Variants in POLE2 observed in about 807,000 individuals in gnomAD.
POLE2 encodes DNA polymerase epsilon 2, accessory subunit.
Under a neutral mutation model 79.4 loss-of-function variants are expected in POLE2, and 56 were observed. The observed-to-expected ratio is 0.71, with a 90% confidence interval of 0.57 to 0.88. POLE2 has a LOEUF of 0.88. POLE2 is among the 40% of genes least tolerant of loss of function. The probability of loss-of-function intolerance (pLI) is 0.00; values close to 1 mark genes in which losing one functional copy is unlikely to be tolerated. For synonymous variants in POLE2, 212 were observed against 214.0 expected (o/e 0.99, Z 0.08); for missense variants, 598 against 638.9 (o/e 0.94, Z 0.69).
intron 5 of POLE2, among the ~76,000 whole-genome samples, chr14:49,673,036 C>T (rs1886009720): frequency 1.3e-5 from 2 of 152,100 alleles, no homozygotes; most frequent in African/African-American, 4.8e-5. Context: ...TTTCTATATT[C>T]TACTCTCTCA....
chr14:49,643,931 G>A (rs1312330967), intron 18 of POLE2, among the ~76,000 whole-genome samples: 2 of 135,560 alleles, frequency 1.5e-5, no homozygotes, highest in Non-Finnish European at 3.1e-5. Flanking sequence ...CCAGGCTGGA[G>A]TGCAATGGCG....
chr14:49,672,592 C>G (rs1410293739), intron 5 of POLE2, among the ~76,000 whole-genome samples: 3 of 151,880 alleles, frequency 2.0e-5, no homozygotes, highest in South Asian at 2.1e-4. Flanking sequence ...CTCCGCCTCC[C>G]AGGTTCAAGC....
intron 1 of POLE2, among the ~76,000 whole-genome samples, chr14:49,685,573 CCTCCCA>C: frequency 6.6e-6 from 1 of 152,156 alleles, no homozygotes; most frequent in South Asian, 2.1e-4. Context: ...ATGGCCATTT[CCTCCCA>C]CTCTTCTCTC....
intron 1 of POLE2, among the ~76,000 whole-genome samples, chr14:49,685,553 G>C (rs1416590590): frequency 6.6e-6 from 1 of 152,020 alleles, no homozygotes; most frequent in Non-Finnish European, 1.5e-5. Context: ...TCCTGCTTTA[G>C]GGTCTTTATA....
At chr14:49,688,037 C>T in intron 1 of POLE2, 99 bp downstream of exon 1, 1 of 1,009,536 alleles carries the variant, frequency 9.9e-7, no homozygotes, top group Admixed American at 2.2e-5. Context: ...AGCCCCCTCT[C>T]GGCGCGCGGG....
chr14:49,663,566 T>C (rs2139646583), intron 9 of POLE2, among the ~76,000 whole-genome samples, 179 bp from the exon 10 acceptor site: 1 of 152,356 alleles, frequency 6.6e-6, no homozygotes, highest in East Asian at 1.9e-4. Context: ...TCTCAACTTA[T>C]AAAATTCATT....
chr14:49,684,468 A>G (rs2139698168), intron 1 of POLE2: 1 of 152,092 alleles, frequency 6.6e-6, no homozygotes, highest in East Asian at 1.9e-4. Flanking sequence ...CCGTCTCAAA[A>G]AAAAAAAAGG....
At chr14:49,656,353 TCA>T (rs1884677102) in intron 10 of POLE2, among the ~76,000 whole-genome samples, 1 of 116,556 alleles carries the variant, frequency 8.6e-6, no homozygotes, top group African/African-American at 3.3e-5. Context: ...GACTCTTGTC[TCA>T]AAAAAAAAAA....
chr14:49,647,457 A>T (rs1209438547), intron 17 of POLE2, 97 bp from the exon 18 acceptor site: 1 of 408,198 alleles, frequency 2.4e-6, no homozygotes, highest in South Asian at 9.1e-5. Context: ...TTTTTATTTT[A>T]TTTATTTATT....
At chr14:49,662,580 C>A (rs1885170932) in intron 10 of POLE2, among the ~76,000 whole-genome samples, 1 of 152,224 alleles carries the variant, frequency 6.6e-6, no homozygotes, top group Admixed American at 6.5e-5. Context: ...CACATACATG[C>A]CCTGCCCAAA....
Position 49,650,248 on chromosome 14 carries a change from A to G in POLE2, c.1497+17T>C, listed in dbSNP as rs140187493. ...TCTTGATAAATAATGACTATATAAG[A>G]TTAACTACATTCTTACAGGGTTTAT... On this transcript the variant is annotated intron_variant, in intron 17 of 18. Coordinates refer to ENST00000216367, the MANE Select transcript of POLE2 (RefSeq NM_002692.4). 8.5e-4 allele frequency: 1,215 copies of G among 1,427,112 alleles called. 9 individuals are homozygous for G. The African/African-American group carries it at 0.015, about 18-fold the overall frequency. The allele number at this position is 1,427,112 out of a possible 1,614,324, so 88.4% of individuals were successfully genotyped here.
At chr14:49,655,993 A>T (rs905562905) in intron 10 of POLE2, 150 bp from the exon 11 acceptor site, 8 of 538,336 alleles carry the variant, frequency 1.5e-5, no homozygotes, top group Non-Finnish European at 2.6e-5. Flanking sequence ...AAGGTTATCT[A>T]AATATTCTAA....
chr14:49,649,462 T>C (rs1302749029), intron 17 of POLE2, among the ~76,000 whole-genome samples: 1 of 148,764 alleles, frequency 6.7e-6, no homozygotes, highest in Admixed American at 6.7e-5. Flanking sequence ...TCTTTTCTTT[T>C]TTTTTGAGAT....
At chr14:49,687,613 A>T (rs1019937074) in intron 1 of POLE2, among the ~76,000 whole-genome samples, 2 of 152,122 alleles carry the variant, frequency 1.3e-5, no homozygotes, top group Admixed American at 1.3e-4. Context: ...CATGTGCAGA[A>T]GAGCCTCGGC....
intron 6 of POLE2, among the ~76,000 whole-genome samples, chr14:49,668,309 G>A (rs1755660492): frequency 6.6e-6 from 1 of 151,330 alleles, no homozygotes; most frequent in Non-Finnish European, 1.5e-5. Flanking sequence ...GGGGGAAGGG[G>A]GAAGGGAAGG....
intron 1 of POLE2, 51 bp from the exon 2 acceptor site, chr14:49,683,744 A>T: frequency 1.1e-6 from 1 of 913,428 alleles, no homozygotes; most frequent in Non-Finnish European, 1.7e-6. Context: ...TTAAAGGCTA[A>T]AAGTTTTCTG....
At chr14:49,651,235 TA>T in intron 16 of POLE2, 33 bp downstream of exon 16, 1 of 911,332 alleles carries the variant, frequency 1.1e-6, no homozygotes, top group Non-Finnish European at 1.8e-6. Flanking sequence ...ATGCAACATG[TA>T]AGGCAGTTTA....
chr14:49,681,699 G>A (rs1046930445), intron 2 of POLE2, among the ~76,000 whole-genome samples: 1 of 151,920 alleles, frequency 6.6e-6, no homozygotes, highest in South Asian at 2.1e-4. Flanking sequence ...GCTTGAACCC[G>A]GGAGGCAGAG....
chr14:49,686,358 T>C (rs1887136327), intron 1 of POLE2, among the ~76,000 whole-genome samples: 1 of 152,220 alleles, frequency 6.6e-6, no homozygotes, highest in Non-Finnish European at 1.5e-5. Flanking sequence ...TGAAGCCATG[T>C]TGGGGGCACA....
Sources: allele counts gnomAD v4.1 joint callset (sites outside exome capture counted in the v4.1 genomes callset), GRCh38; gene constraint gnomAD v4.1.1; transcripts MANE v1.5; gene names NCBI Gene and HGNC (gene_info 2026-07-23, HGNC 2026-07-21).